The following PDE8B variants were observed in gnomAD, a reference collection of about 807,000 sequenced individuals.
PDE8B encodes the protein high affinity cAMP-specific and IBMX-insensitive 3',5'-cyclic phosphodiesterase 8B.
In PDE8B, 26 loss-of-function variants were observed where a neutral mutation model predicts 101.3. That is an observed-to-expected ratio of 0.26 (90% CI 0.19 to 0.36). The LOEUF is 0.36. PDE8B is among the 10% of genes least tolerant of loss of function. The probability of loss-of-function intolerance (pLI) is 1.00; values close to 1 mark genes in which losing one functional copy is unlikely to be tolerated. For missense variants in PDE8B, 810 were observed against 1,163.1 expected, an observed-to-expected ratio of 0.70 and a Z score of 4.42; for synonymous variants, 424 against 429.3, an observed-to-expected ratio of 0.99 and a Z score of 0.15.
chr5:77,307,166 C>T lies in PDE8B; in HGVS notation c.340-4828C>T, dbSNP rs746197712. ...CTTTCTCACACTGCAATCCAGCTCT[C>T]TGGACACTTGTTTTCTCCCCACCAG... On this transcript the variant is annotated intron_variant, in intron 1 of 21. Transcript: ENST00000264917. Among the ~76,000 whole-genome samples, 9 of 152,264 alleles carry T rather than the reference C, an allele frequency of 5.9e-5. No individual in the cohort carries two copies. The South Asian group carries it at 1.5e-3, about 25-fold the overall frequency.
At chr5:77,371,972 T>C (rs557079632) in intron 10 of PDE8B, among the ~76,000 whole-genome samples, 44 of 152,226 alleles carry the variant, frequency 2.9e-4, no homozygotes, top group African/African-American at 9.6e-4. Flanking sequence ...AGGCCGAGGT[T>C]GGCATATCAC....
At chr5:77,218,732 T>C (rs1257873908) in intron 1 of PDE8B, among the ~76,000 whole-genome samples, 1 of 152,254 alleles carries the variant, frequency 6.6e-6, no homozygotes, top group Non-Finnish European at 1.5e-5. Context: ...GTTGTCATTA[T>C]TTTCACTGAA....
the PDE8B span, among the ~76,000 whole-genome samples, chr5:77,143,510 CAT>C: frequency 1.3e-5 from 2 of 152,100 alleles, no homozygotes; most frequent in African/African-American, 4.8e-5. Flanking sequence ...GTCATTAAAA[CAT>C]ACTGTTCAGT....
the PDE8B span, among the ~76,000 whole-genome samples, chr5:77,203,510 CTGGCTGGGTGGA>C: frequency 1.4e-4 from 22 of 152,196 alleles, no homozygotes; most frequent in African/African-American, 5.3e-4. Context: ...TCATGGCTGG[CTGGCTGGGTGGA>C]TGGATGGATG....
chr5:77,413,333 A>T (rs75312340), intron 17 of PDE8B, 24 bp downstream of exon 17: 1 of 1,586,378 alleles, frequency 6.3e-7, no homozygotes, highest in Non-Finnish European at 8.7e-7. Context: ...ATCATGACCT[A>T]GTTACCTGCC....
intron 1 of PDE8B, among the ~76,000 whole-genome samples, chr5:77,236,534 G>A (rs1014557808): frequency 1.3e-5 from 2 of 152,162 alleles, no homozygotes; most frequent in African/African-American, 2.4e-5. Context: ...AGAGGAGGAA[G>A]TGATTAACTG....
intron 1 of PDE8B, among the ~76,000 whole-genome samples, chr5:77,225,458 G>C (rs1752129277): frequency 6.6e-6 from 1 of 152,098 alleles, no homozygotes; most frequent in Non-Finnish European, 1.5e-5. Context: ...AGTAATGTTT[G>C]ACAGATTTCC....
chr5:77,243,544 C>G (rs563135498), intron 1 of PDE8B, among the ~76,000 whole-genome samples: 1 of 152,142 alleles, frequency 6.6e-6, no homozygotes, highest in African/African-American at 2.4e-5. Context: ...AACCACAGAT[C>G]CTCTTTCTGT....
intron 6 of PDE8B, among the ~76,000 whole-genome samples, chr5:77,343,998 T>A (rs954554082): frequency 1.3e-5 from 2 of 152,016 alleles, no homozygotes; most frequent in African/African-American, 4.8e-5. Context: ...CTTGTCCCAC[T>A]GGAAGGTCCT....
chr5:77,233,322 T>G (rs112925965), intron 1 of PDE8B, among the ~76,000 whole-genome samples: 3 of 152,144 alleles, frequency 2.0e-5, no homozygotes, highest in Non-Finnish European at 4.4e-5. Flanking sequence ...CAGGCTTGCT[T>G]TCTGGGCTAA....
intron 10 of PDE8B, among the ~76,000 whole-genome samples, chr5:77,366,321 T>A (rs998009904): frequency 6.6e-6 from 1 of 152,238 alleles, no homozygotes; most frequent in Non-Finnish European, 1.5e-5. Flanking sequence ...CTGTCACTAC[T>A]GGGCTCTCAG....
the PDE8B span, among the ~76,000 whole-genome samples, chr5:77,097,426 G>A: frequency 6.6e-6 from 1 of 151,728 alleles, no homozygotes; most frequent in Non-Finnish European, 1.5e-5. Context: ...TAAAGGTATT[G>A]TCCAGCTACT....
At chr5:77,300,514 T>G (rs1023633990) in intron 1 of PDE8B, among the ~76,000 whole-genome samples, 1 of 152,220 alleles carries the variant, frequency 6.6e-6, no homozygotes, top group African/African-American at 2.4e-5. Flanking sequence ...GTAAACAGAC[T>G]GCTTCCTTTC....
chr5:77,211,300 G>A lies in PDE8B; in HGVS notation c.339+36G>A. 6.6e-7 allele frequency: 1 copy of A among 1,514,794 alleles called. No individual in the cohort carries two copies. Among genetic ancestry groups the A allele is most frequent in the Non-Finnish European group, 8.8e-7 (1 of 1,137,328 alleles). The allele number at this position is 1,514,794 out of a possible 1,614,324, so 93.8% of individuals were successfully genotyped here. A position where few individuals can be genotyped will look rare whatever the true frequency, so the allele number is the denominator to read the frequency against. ...CGCGCTGGCACACGCCGTGGGGGCC[G>A]TCCGCCCCGTCGGCGGGGCTCGCAC... On this transcript the variant is annotated intron_variant, in intron 1 of 21. Transcript: ENST00000264917. The surrounding 1 kb of genome is among the most constrained non-coding windows in gnomAD (Gnocchi z 4.1).
the PDE8B span, among the ~76,000 whole-genome samples, chr5:77,097,734 C>CTATATATATATATCTAT: frequency 3.7e-5 from 1 of 26,862 alleles, no homozygotes; most frequent in South Asian, 2.1e-3. Flanking sequence ...TATATATATA[C>CTATATATATATATCTAT]ATACATATGA....
At chr5:77,336,466 A>G (rs1017020918) in intron 5 of PDE8B, among the ~76,000 whole-genome samples, 2 of 152,242 alleles carry the variant, frequency 1.3e-5, no homozygotes, top group African/African-American at 4.8e-5. Context: ...TTTCATATAC[A>G]TGGAATCATA....
chr5:77,333,905 C>A (rs1160084717), intron 5 of PDE8B, among the ~76,000 whole-genome samples: 1 of 152,250 alleles, frequency 6.6e-6, no homozygotes, highest in African/African-American at 2.4e-5. Flanking sequence ...ACAGCGGTAG[C>A]TGTCAGGGAC....
intron 10 of PDE8B, among the ~76,000 whole-genome samples, chr5:77,366,527 T>C (rs1053259193): frequency 2.6e-5 from 4 of 152,122 alleles, no homozygotes; most frequent in African/African-American, 9.7e-5. Context: ...GCTTTTTGCA[T>C]TAGAGGGCAG....
chr5:77,162,739 C>A, the PDE8B span, among the ~76,000 whole-genome samples: 1 of 152,150 alleles, frequency 6.6e-6, no homozygotes, highest in Non-Finnish European at 1.5e-5. Context: ...AAGCTAATGG[C>A]AAGCTAGCCC....
Sources: gnomAD v4.1 joint callset for allele counts (sites outside exome capture counted in the v4.1 genomes callset) on GRCh38, gnomAD v4.1.1 for gene constraint, Gnocchi (gnomAD v3.1) non-coding constraint, MANE v1.5 for transcripts, NCBI Gene and HGNC (gene_info 2026-07-23, HGNC 2026-07-21) for gene names.